The following IRF6 variants were observed in gnomAD, a reference collection of about 807,000 sequenced individuals.
IRF6 encodes interferon regulatory factor 6.
Under a neutral mutation model 51.4 loss-of-function variants are expected in IRF6, and 6 were observed. The ratio of observed to expected loss-of-function variants is 0.12; its 90% CI spans 0.06 to 0.23. The LOEUF (loss-of-function observed/expected upper bound fraction) is 0.23. Ranked by LOEUF, IRF6 falls within the 10% of genes least tolerant of loss-of-function variation. The pLI is 1.00. For missense variants in IRF6, 348 were observed against 585.2 expected, an observed-to-expected ratio of 0.59 and a Z score of 4.18; for synonymous variants, 178 against 215.7, an observed-to-expected ratio of 0.83 and a Z score of 1.53.
Position 209,788,049 on chromosome 1 carries a change from A to G in IRF6, c.*371T>C. The G allele has an allele frequency of 3.7e-6, 1 of 271,022 alleles. No homozygotes were observed. Among genetic ancestry groups the G allele is most frequent in the Non-Finnish European group, 7.1e-6 (1 of 140,180 alleles). The allele number at this position is 271,022 out of a possible 1,614,324, so 16.8% of individuals were successfully genotyped here. ...TGAGTCCGTTCTAAAGCTGGATGCA[A>G]TTTCAGGCACTACTCCAATCTCTTC... On this transcript the variant is annotated 3_prime_UTR_variant, in exon 9 of 9. Transcript: ENST00000367021.
chr1:209,801,483 A>AGTG, intron 2 of IRF6, 67 bp from the exon 3 acceptor site: 2 of 1,307,444 alleles, frequency 1.5e-6, no homozygotes, highest in Non-Finnish European at 2.1e-6. Flanking sequence ...AACCCTTCCC[A>AGTG]GCCACCTTTC....
rs2077845699 is a variant in IRF6, at chr1:209,788,201, A to G, written c.*219T>C. ...GCCAAATCTCCTTCTACTATGCTAT[A>G]TCATACTACCATTAGGAGATTTGAA... On this transcript the variant is annotated 3_prime_UTR_variant, in exon 9 of 9. Coordinates refer to ENST00000367021, the MANE Select transcript of IRF6 (RefSeq NM_006147.4). 1 of 575,056 alleles carries G rather than the reference A, an allele frequency of 1.7e-6. No individual in the cohort carries two copies. The highest frequency in any genetic ancestry group is 3.0e-5 in the Admixed American group (1 of 32,952). The allele number at this position is 575,056 out of a possible 1,614,324, so 35.6% of individuals were successfully genotyped here.
In IRF6 at chr1:209,788,160, G is replaced by A; in HGVS notation, c.*260C>T. The A allele has an allele frequency of 2.0e-6, 1 of 490,004 alleles. No individual in the cohort carries two copies. The highest frequency in any genetic ancestry group is 3.7e-6 in the Non-Finnish European group (1 of 271,834). 30.4% of individuals were successfully genotyped at this position (490,004 alleles called of 1,614,324 possible). A position where few individuals can be genotyped will look rare whatever the true frequency, so the allele number is the denominator to read the frequency against. On this transcript the variant is annotated 3_prime_UTR_variant, in exon 9 of 9. Transcript: ENST00000367021. ...AAGCAAAGCTGCAGCTAGAACTTTG[G>A]TGTCCAAACTCCCAGGCCAAATCTC...
In IRF6 at chr1:209,801,431, G is replaced by C. The variant is rs748047188; in HGVS notation, c.-3-15C>G. On this transcript the variant is annotated splice_polypyrimidine_tract_variant and intron_variant, in intron 2 of 8. Transcript: ENST00000367021. ...AGGGCCATGATCTGGGGGGGTCAGA[G>C]GGAGAAATGGGAAGAGCAGAAGAAT... 1.0e-5 allele frequency: 16 copies of C among 1,558,480 alleles called. No individual in the cohort carries two copies. In the Admixed American group the frequency reaches 2.2e-4, roughly 21 times the overall value.
At chr1:209,801,105 C>T in intron 3 of IRF6, 135 bp downstream of exon 3, 1 of 746,322 alleles carries the variant, frequency 1.3e-6, no homozygotes. Flanking sequence ...AATTACTATG[C>T]CTGCTGAGTT....
intron 3 of IRF6, among the ~76,000 whole-genome samples, chr1:209,799,443 A>G (rs977157596): frequency 2.4e-4 from 36 of 152,372 alleles, no homozygotes; most frequent in Middle Eastern, 3.4e-3. Context: ...CGAGAATTAA[A>G]AGAGATAATG....
Position 209,796,493 on chromosome 1 carries a change from T to C in IRF6, c.234A>G (p.Lys78=). 3.1e-6 allele frequency: 5 copies of C among 1,613,872 alleles called. No individual in the cohort carries two copies. Among genetic ancestry groups the C allele is most frequent in the Non-Finnish European group, 4.2e-6 (5 of 1,180,038 alleles). ...GAGCACAGCGCAGCTGGGCCTTCCA[T>C]TTAGCTGGGTCAGGGTCATCCACCC... The part of the protein sequence containing the change: ...QEGVDDPDPA[K]WKAQLRCALN... The change falls in exon 4 of 9, where the codon AAA becomes AAG. Residue 78 remains lysine, a synonymous_variant. Transcript: ENST00000367021. The surrounding 1 kb of genome is among the most constrained non-coding windows in gnomAD (Gnocchi z 4.5).
chr1:209,792,259 T>G lies in IRF6; in HGVS notation c.667+10A>C. 1 of 1,612,808 alleles carries G rather than the reference T, an allele frequency of 6.2e-7. No individual in the cohort carries two copies. Among genetic ancestry groups the G allele is most frequent in the Non-Finnish European group, 8.5e-7 (1 of 1,178,820 alleles). ...AGAAGACCGAGCAAGAAAGATAAAG[T>G]CTCACTTACTTGGGAGAGAGCTGAT... On this transcript the variant is annotated intron_variant, in intron 6 of 8. Coordinates refer to ENST00000367021, the MANE Select transcript of IRF6 (RefSeq NM_006147.4).
At chr1:209,792,132 A>C (rs541610897) in intron 6 of IRF6, 137 bp downstream of exon 6, 92 of 946,570 alleles carry the variant, frequency 9.7e-5, no homozygotes, top group Admixed American at 5.9e-4. Flanking sequence ...TGGGCTAGCC[A>C]GGAAACAGAA....
intron 5 of IRF6, among the ~76,000 whole-genome samples, chr1:209,793,549 C>T (rs897856402): frequency 5.3e-5 from 8 of 151,170 alleles, no homozygotes; most frequent in African/African-American, 2.0e-4. Context: ...GGGAATGTAA[C>T]GTGTGGCAAT....
chr1:209,790,393 T>G lies in IRF6; in HGVS notation c.1060+102A>C. On this transcript the variant is annotated intron_variant, in intron 7 of 8. Coordinates refer to ENST00000367021, the MANE Select transcript of IRF6 (RefSeq NM_006147.4). The surrounding 1 kb of genome is among the most constrained non-coding windows in gnomAD (Gnocchi z 4.8). ...CCTCCAGACTAAATTTTTTAAGATC[T>G]TTGCCATGCCAGGAAAGCAGGAAGG... 7.1e-7 allele frequency: 1 copy of G among 1,414,586 alleles called. No homozygotes were observed. The allele number at this position is 1,414,586 out of a possible 1,614,324, so 87.6% of individuals were successfully genotyped here. A position where few individuals can be genotyped will look rare whatever the true frequency, so the allele number is the denominator to read the frequency against.
In IRF6 at chr1:209,790,621, A is replaced by G. The variant is rs752101883; in HGVS notation, c.934T>C (p.Tyr312His). The change falls in exon 7 of 9, where the codon TAT becomes CAT. Residue 312 changes from tyrosine (Y) to histidine (H), a missense_variant. This residue lies in a region of IRF6 where 125 missense variants were observed against 222.0 expected (regional missense o/e 0.56). Coordinates refer to ENST00000367021, the MANE Select transcript of IRF6 (RefSeq NM_006147.4). The surrounding 1 kb of genome is among the most constrained non-coding windows in gnomAD (Gnocchi z 4.8). ...LILEVSGHAIYAIRLCQCKVY... is the reference protein window; with the variant it reads ...LILEVSGHAIHAIRLCQCKVY... ...TTGCACTGGCACAGCCTGATGGCAT[A>G]AATGGCATGACCGCTGACCTCCAGG... The G allele has an allele frequency of 1.9e-6, 3 of 1,614,256 alleles. No individual in the cohort carries two copies. Among genetic ancestry groups the G allele is most frequent in the Middle Eastern group, 1.6e-4 (1 of 6,062 alleles).
At position 209,786,720 on chromosome 1, in the gene IRF6, C is replaced by G. The variant is rs575407072; in HGVS notation, c.*1700G>C. 1 of 151,164 alleles carries G rather than the reference C, an allele frequency of 6.6e-6. No individual in the cohort carries two copies. Among genetic ancestry groups the G allele is most frequent in the South Asian group, 2.1e-4 (1 of 4,800 alleles). The allele number at this position is 151,164 out of a possible 1,614,324, so 9.4% of individuals were successfully genotyped here. On this transcript the variant is annotated 3_prime_UTR_variant, in exon 9 of 9. Transcript: ENST00000367021. Reference sequence around the variant, plus strand: ...TCATGCTTTTCATAATAGCAAATTCCACTAGGTCTCTTAGAAACTCTAAAA... The same window carrying G: ...TCATGCTTTTCATAATAGCAAATTCGACTAGGTCTCTTAGAAACTCTAAAA...
At chr1:209,800,946 G>A (rs1038968731) in intron 3 of IRF6, among the ~76,000 whole-genome samples, 5 of 152,038 alleles carry the variant, frequency 3.3e-5, no homozygotes, top group South Asian at 2.1e-4. Context: ...GCTGACCCTC[G>A]CTAGCTTTTG....
chr1:209,792,485 G>A, intron 5 of IRF6, 58 bp from the exon 6 acceptor site: 1 of 1,577,526 alleles, frequency 6.3e-7, no homozygotes, highest in East Asian at 2.2e-5. Context: ...ATCACTTGCT[G>A]ATGCTCTGAG....
At position 209,790,085 on chromosome 1, in the gene IRF6, C is replaced by T. The variant is rs1168646816; in HGVS notation, c.1061-300G>A. ...ACCACATTGTAAAAAATTGACATCA[C>T]GGTGCTTTCCCTAAAACTGCCTGCT... On this transcript the variant is annotated intron_variant, in intron 7 of 8. Transcript: ENST00000367021. The surrounding 1 kb of genome is among the most constrained non-coding windows in gnomAD (Gnocchi z 4.8). Among the ~76,000 whole-genome samples the T allele has an allele frequency of 2.0e-5, 3 of 152,198 alleles. No homozygotes were observed. Among genetic ancestry groups the T allele is most frequent in the Non-Finnish European group, 2.9e-5 (2 of 68,038 alleles).
intron 3 of IRF6, among the ~76,000 whole-genome samples, chr1:209,797,010 G>C (rs7555285): frequency 0.81 from 123,227 of 152,126 alleles, 49,948 homozygotes; most frequent in Middle Eastern, 0.83. Flanking sequence ...GACAAAGAGG[G>C]ATGGCAGAGG....
In IRF6 at chr1:209,786,526, C is replaced by T. The variant is rs1333481641; in HGVS notation, c.*1894G>A. On this transcript the variant is annotated 3_prime_UTR_variant, in exon 9 of 9. Transcript: ENST00000367021. ...GTGGGTTTTTAACTTTGAGTTCCCACGTAGAGATGGGGCAGCCAAATATCA... is the reference window on the plus strand; with the variant it reads ...GTGGGTTTTTAACTTTGAGTTCCCATGTAGAGATGGGGCAGCCAAATATCA... The T allele has an allele frequency of 6.6e-6, 1 of 152,164 alleles. No homozygotes were observed. The highest frequency in any genetic ancestry group is 1.5e-5 in the Non-Finnish European group (1 of 68,032). The allele number at this position is 152,164 out of a possible 1,614,324, so 9.4% of individuals were successfully genotyped here.
At position 209,789,564 on chromosome 1, in the gene IRF6, C is replaced by G. The variant is rs887244349; in HGVS notation, c.1179+103G>C. ...GTTACCCCATCTGATGAGACTGAAA[C>G]CTACATGGGCTGATGGATGCTTGAT... is the stretch of plus-strand genomic sequence containing the variant. On this transcript the variant is annotated intron_variant, in intron 8 of 8. Coordinates refer to ENST00000367021, the MANE Select transcript of IRF6 (RefSeq NM_006147.4). 7.8e-5 allele frequency: 66 copies of G among 849,378 alleles called. No individual in the cohort carries two copies. In the Admixed American group the frequency reaches 1.1e-3, roughly 14 times the overall value. The allele number at this position is 849,378 out of a possible 1,614,324, so 52.6% of individuals were successfully genotyped here. A position where few individuals can be genotyped will look rare whatever the true frequency, so the allele number is the denominator to read the frequency against.
Sources: gnomAD v4.1 joint callset for allele counts (sites outside exome capture counted in the v4.1 genomes callset) on GRCh38, gnomAD v4.1.1 for gene constraint, gnomAD v4.1.1 regional missense constraint, Gnocchi (gnomAD v3.1) non-coding constraint, MANE v1.5 for transcripts, NCBI Gene and HGNC (gene_info 2026-07-23, HGNC 2026-07-21) for gene names.